CLASP2: variants seen among roughly 807,000 people sequenced by gnomAD.
CLASP2 encodes the protein cytoplasmic linker associated protein 2.
Under a neutral mutation model 194.4 loss-of-function variants are expected in CLASP2, and 47 were observed. The ratio of observed to expected loss-of-function variants is 0.24; its 90% confidence interval spans 0.19 to 0.31. The LOEUF (loss-of-function observed/expected upper bound fraction) is 0.31. Ranked by LOEUF, CLASP2 falls within the 10% of genes least tolerant of loss-of-function variation. CLASP2 has a pLI of 1.00. For missense variants in CLASP2, 1,445 were observed against 1,823.6 expected (o/e 0.79, Z 3.78); for synonymous variants, 619 against 633.5 (o/e 0.98, Z 0.34).
intron 18 of CLASP2, among the ~76,000 whole-genome samples, chr3:33,597,337 T>TTAGCACA (rs2070697878): frequency 6.6e-6 from 1 of 152,188 alleles, no homozygotes; most frequent in African/African-American, 2.4e-5. Context: ...ATATCTGACT[T>TTAGCACA]GGTGTTTAGT....
At position 33,560,944 on chromosome 3, in the gene CLASP2, C is replaced by T; in HGVS notation, c.2794G>A (p.Val932Met). Residue 932 changes from valine to methionine, a missense_variant, in exon 28 of 39, where the codon GTG (valine) becomes ATG (methionine). This residue lies in a region of CLASP2 where 732 missense variants were observed against 987.9 expected (regional missense o/e 0.74). Transcript: ENST00000682230. ...RVFSMFLETL[V>M]DFIQVHKDDL... ...TCTTTGTGGACTTGTATGAAATCCA[C>T]TAGAGTCTCCAAAAACATGCTGAAT... The T allele has an allele frequency of 6.2e-7, 1 of 1,613,738 alleles. No individual in the cohort carries two copies. Among genetic ancestry groups the T allele is most frequent in the Non-Finnish European group, 8.5e-7 (1 of 1,179,816 alleles).
chr3:33,504,854 T>A (rs2047704588), intron 37 of CLASP2: 1 of 152,574 alleles, frequency 6.6e-6, no homozygotes, highest in African/African-American at 2.4e-5. Context: ...CAGGTGGTAA[T>A]GCTCGCTTGC....
intron 7 of CLASP2, among the ~76,000 whole-genome samples, chr3:33,657,008 C>T (rs777868247): frequency 2.0e-5 from 3 of 152,120 alleles, no homozygotes; most frequent in East Asian, 3.8e-4. Context: ...CCTCTGTTTA[C>T]ACCTGGGCTC....
intron 5 of CLASP2, among the ~76,000 whole-genome samples, chr3:33,686,322 T>C (rs2090666267): frequency 6.6e-6 from 1 of 152,110 alleles, no homozygotes; most frequent in African/African-American, 2.4e-5. Flanking sequence ...CATGGACTCA[T>C]ATGGGTTCAT....
At chr3:33,559,616 C>T (rs553749995) in intron 28 of CLASP2, among the ~76,000 whole-genome samples, 72 of 152,108 alleles carry the variant, frequency 4.7e-4, no homozygotes, top group Non-Finnish European at 8.5e-4. Context: ...CTCTACAGGC[C>T]GGGAGCGGTG....
intron 5 of CLASP2, among the ~76,000 whole-genome samples, chr3:33,685,752 G>C (rs1226041570): frequency 7.6e-6 from 1 of 131,244 alleles, no homozygotes; most frequent in Non-Finnish European, 1.5e-5. Context: ...GAGGTACACA[G>C]AACAGTCAAA....
chr3:33,667,841 C>T (rs535599934), intron 6 of CLASP2, among the ~76,000 whole-genome samples: 2 of 152,234 alleles, frequency 1.3e-5, no homozygotes, highest in Non-Finnish European at 2.9e-5. Flanking sequence ...CGATCTATAT[C>T]TAGTGTTATG....
At chr3:33,676,777 T>C (rs921000084) in intron 6 of CLASP2, among the ~76,000 whole-genome samples, 2 of 151,982 alleles carry the variant, frequency 1.3e-5, no homozygotes, top group Non-Finnish European at 2.9e-5. Flanking sequence ...ACCTACAAAA[T>C]GGGAGAAAAT....
intron 18 of CLASP2, among the ~76,000 whole-genome samples, chr3:33,599,523 A>C (rs1223574758): frequency 6.6e-6 from 1 of 152,192 alleles, no homozygotes; most frequent in African/African-American, 2.4e-5. Context: ...AAAACGCAAC[A>C]AACTTTTAGC....
At chr3:33,546,416 G>A (rs2059158954) in intron 30 of CLASP2, among the ~76,000 whole-genome samples, 1 of 151,856 alleles carries the variant, frequency 6.6e-6, no homozygotes, top group South Asian at 2.1e-4. Context: ...CTTTCTTGCG[G>A]TTTTAAATTT....
At chr3:33,531,221 TTC>T (rs1242652279) in intron 34 of CLASP2, among the ~76,000 whole-genome samples, 12 of 152,122 alleles carry the variant, frequency 7.9e-5, no homozygotes, top group Admixed American at 2.6e-4. Flanking sequence ...AATTAAAAAT[TTC>T]TGTGTCTCAA....
At chr3:33,667,027 ATT>A (rs2086292993) in intron 6 of CLASP2, among the ~76,000 whole-genome samples, 1 of 152,092 alleles carries the variant, frequency 6.6e-6, no homozygotes, top group Non-Finnish European at 1.5e-5. Flanking sequence ...AAATTCAAAT[ATT>A]TTGTCTGTTT....
At chr3:33,592,326 G>GTAA in intron 21 of CLASP2, 69 bp downstream of exon 21, 1 of 1,085,306 alleles carries the variant, frequency 9.2e-7, no homozygotes, top group South Asian at 1.3e-5. Flanking sequence ...GTCTAATACA[G>GTAA]TAATACAAAA....
intron 36 of CLASP2, among the ~76,000 whole-genome samples, chr3:33,513,545 C>A (rs67599414): frequency 5.3e-5 from 8 of 151,936 alleles, no homozygotes; most frequent in Non-Finnish European, 1.0e-4. Context: ...AAAAAAACCC[C>A]AAAACCCCTG....
At chr3:33,670,935 T>G (rs578258608) in intron 6 of CLASP2, among the ~76,000 whole-genome samples, 1 of 152,170 alleles carries the variant, frequency 6.6e-6, no homozygotes, top group South Asian at 2.1e-4. Flanking sequence ...TCCTTAACAA[T>G]GTCTGACCTT....
intron 1 of CLASP2, among the ~76,000 whole-genome samples, chr3:33,710,598 A>G (rs2092952392): frequency 6.6e-6 from 1 of 151,892 alleles, no homozygotes; most frequent in South Asian, 2.1e-4. Flanking sequence ...ATAAAAATAC[A>G]AAAGAACAAA....
Position 33,607,409 on chromosome 3 carries a change from C to A in CLASP2, c.1501G>T (p.Ala501Ser), listed in dbSNP as rs1013537237. The part of the protein sequence containing the change: ...TIKKGIHDAD[A>S]EARVEARKTY... ...TTTCTTGCCTCCACTCTGGCCTCAG[C>A]GTCAGCATCATGAATTCCCTTTTTA... Residue 501 changes from alanine to serine, a missense_variant, in exon 15 of 39, where the codon GCT (alanine) becomes TCT (serine). Ala to Ser is a moderately conservative substitution (Grantham distance 99). This residue lies in a region of CLASP2 where 207 missense variants were observed against 331.4 expected (regional missense o/e 0.62). Coordinates refer to ENST00000682230, the MANE Select transcript of CLASP2 (RefSeq NM_001365631.1). 1 of 1,610,708 alleles carries A rather than the reference C, an allele frequency of 6.2e-7. No individual in the cohort carries two copies. Among genetic ancestry groups the A allele is most frequent in the Non-Finnish European group, 8.5e-7 (1 of 1,178,628 alleles).
chr3:33,521,345 A>G (rs2053026990), intron 34 of CLASP2, among the ~76,000 whole-genome samples: 1 of 152,226 alleles, frequency 6.6e-6, no homozygotes, highest in Non-Finnish European at 1.5e-5. Context: ...ATTTCACAGT[A>G]AAGAAGTCTG....
chr3:33,704,613 C>A (rs2092578740), intron 1 of CLASP2, among the ~76,000 whole-genome samples: 1 of 151,998 alleles, frequency 6.6e-6, no homozygotes, highest in South Asian at 2.1e-4. Flanking sequence ...ATTAGCTGGG[C>A]ATGGTGGCAC....
Sources: allele counts gnomAD v4.1 joint callset (sites outside exome capture counted in the v4.1 genomes callset), GRCh38; gene constraint gnomAD v4.1.1; regional missense constraint gnomAD v4.1.1; transcripts MANE v1.5; gene names NCBI Gene and HGNC (gene_info 2026-07-23, HGNC 2026-07-21).